Variants in PCDHA4 observed in about 807,000 individuals in gnomAD.
PCDHA4 encodes protocadherin alpha 4.
In PCDHA4, 49 loss-of-function variants were observed where a neutral mutation model predicts 61.4. That is an observed-to-expected ratio of 0.80 (90% CI 0.63 to 1.01). The LOEUF (loss-of-function observed/expected upper bound fraction) is 1.01. Ranked by LOEUF, PCDHA4 falls within the 50% of genes least tolerant of loss-of-function variation. The probability of loss-of-function intolerance (pLI) is 0.00; values close to 1 mark genes in which losing one functional copy is unlikely to be tolerated. For synonymous variants in PCDHA4, 590 were observed against 550.3 expected, an observed-to-expected ratio of 1.07 and a Z score of -1.01; for missense variants, 1,254 against 1,235.8, an observed-to-expected ratio of 1.01 and a Z score of -0.22.
intron 1 of PCDHA4, chr5:140,929,147 A>G (rs1247156816): frequency 6.2e-7 from 1 of 1,614,062 alleles, no homozygotes; most frequent in Non-Finnish European, 8.5e-7. Flanking sequence ...AGACTTTCTC[A>G]GACTTATCTC....
intron 3 of PCDHA4, 47 bp from the exon 4 acceptor site, chr5:141,009,580 G>T: frequency 1.3e-6 from 2 of 1,588,168 alleles, no homozygotes; most frequent in South Asian, 2.3e-5. Context: ...GTGGCATCAA[G>T]AGCATGTGTT....
chr5:140,819,898 T>A (rs1766647840), intron 1 of PCDHA4, among the ~76,000 whole-genome samples: 1 of 152,042 alleles, frequency 6.6e-6, no homozygotes, highest in African/African-American at 2.4e-5. Context: ...CTCTGCAGAT[T>A]ACAATGTACA....
At chr5:140,873,755 T>C (rs1273886734) in intron 1 of PCDHA4, among the ~76,000 whole-genome samples, 1 of 152,098 alleles carries the variant, frequency 6.6e-6, no homozygotes, top group African/African-American at 2.4e-5. Flanking sequence ...CCACCTCCCA[T>C]GTTCAAGCAA....
intron 1 of PCDHA4, chr5:140,862,842 G>A (rs1554157108): frequency 1.7e-6 from 1 of 572,982 alleles, no homozygotes. Flanking sequence ...CGGGCATGCC[G>A]CCTCTGAGCA....
At chr5:140,883,528 C>T in intron 1 of PCDHA4, 1 of 1,614,248 alleles carries the variant, frequency 6.2e-7, no homozygotes, top group South Asian at 1.1e-5. Flanking sequence ...GCGTATCAGC[C>T]TATGAACTGG....
chr5:140,898,114 G>A (rs367767804), intron 1 of PCDHA4, among the ~76,000 whole-genome samples: 18 of 151,862 alleles, frequency 1.2e-4, no homozygotes, highest in Non-Finnish European at 2.4e-4. Context: ...AGTAGGTTGC[G>A]AAAATTTTCT....
chr5:140,868,930 G>T, intron 1 of PCDHA4: 8 of 1,085,624 alleles, frequency 7.4e-6, no homozygotes, highest in Non-Finnish European at 1.0e-5. Context: ...TTCATTTAAA[G>T]GTTGGTCTGA....
At chr5:140,945,155 A>G (rs566867183) in intron 1 of PCDHA4, among the ~76,000 whole-genome samples, 22 of 152,284 alleles carry the variant, frequency 1.4e-4, no homozygotes, top group African/African-American at 5.3e-4. Context: ...TCTATACACT[A>G]TTGAACTATC....
At chr5:140,842,571 G>T (rs1554139191) in intron 1 of PCDHA4, 2 of 1,508,202 alleles carry the variant, frequency 1.3e-6, no homozygotes, top group African/African-American at 1.5e-5. Context: ...GACCGCGAGA[G>T]AGTGTCGGCC....
chr5:140,880,614 GGGA>G (rs2058396473), intron 1 of PCDHA4, among the ~76,000 whole-genome samples: 1 of 152,182 alleles, frequency 6.6e-6, no homozygotes, highest in South Asian at 2.1e-4. Context: ...GTAAGCAAGA[GGGA>G]GGAGTTAATT....
rs560404461 is a variant in PCDHA4, at chr5:140,857,491, G to T, written c.2385+47919G>T. The T allele has an allele frequency of 3.1e-5, 49 of 1,598,340 alleles. 2 individuals are homozygous for T. The highest frequency in any genetic ancestry group is 2.8e-4 in the South Asian group (25 of 90,546). On this transcript the variant is annotated intron_variant, in intron 1 of 3. Transcript: ENST00000530339. Reference sequence around the variant, plus strand: ...TCTTCACGGTGTCTGCGTGGGACGCGGACGCGCAGGAGAACGCCCTGGTGT... The same window carrying T: ...TCTTCACGGTGTCTGCGTGGGACGCTGACGCGCAGGAGAACGCCCTGGTGT...
intron 1 of PCDHA4, among the ~76,000 whole-genome samples, chr5:140,951,626 C>T (rs1182328214): frequency 3.3e-5 from 5 of 152,062 alleles, no homozygotes; most frequent in African/African-American, 4.8e-5. Context: ...AAGGGGGAAA[C>T]CTGCCCCATG....
intron 1 of PCDHA4, among the ~76,000 whole-genome samples, chr5:140,880,084 T>C (rs1554171167): frequency 6.6e-6 from 1 of 152,208 alleles, no homozygotes. Context: ...CAACCTATTA[T>C]AGTAGGCTTA....
At chr5:140,993,509 C>T (rs930990761) in intron 3 of PCDHA4, among the ~76,000 whole-genome samples, 23 of 143,490 alleles carry the variant, frequency 1.6e-4, no homozygotes, top group Admixed American at 3.5e-4. Context: ...CACACACACA[C>T]GGGGAGAGAG....
intron 3 of PCDHA4, among the ~76,000 whole-genome samples, chr5:141,002,380 G>T (rs1284047266): frequency 2.0e-5 from 3 of 152,196 alleles, no homozygotes; most frequent in Non-Finnish European, 2.9e-5. Context: ...CTGGCTTAGG[G>T]CTCCTGCTGG....
At chr5:140,875,467 T>G in intron 1 of PCDHA4, 2 of 1,600,082 alleles carry the variant, frequency 1.2e-6, no homozygotes, top group Non-Finnish European at 1.7e-6. Flanking sequence ...GCCCTCATTT[T>G]CTGCAATGGT....
At chr5:140,913,706 C>A (rs1431880255) in intron 1 of PCDHA4, among the ~76,000 whole-genome samples, 4 of 152,054 alleles carry the variant, frequency 2.6e-5, no homozygotes, top group Non-Finnish European at 5.9e-5. Context: ...CCAATGTAGG[C>A]AATTACAGCT....
rs2150164384 is a variant in PCDHA4 at position 140,829,233 on chromosome 5, C to G, written c.2385+19661C>G. On this transcript the variant is annotated intron_variant, in intron 1 of 3. Transcript: ENST00000530339. The stretch of plus-strand genomic sequence containing the variant: ...AGCGTGAACGACCTCGATTCAGGTG[C>G]CAACGGGCAGGTGAACTGCTCGCTG... The G allele has an allele frequency of 3.1e-6, 5 of 1,614,254 alleles. No individual in the cohort carries two copies. In the Admixed American group the frequency reaches 8.3e-5, roughly 27 times the overall value.
In PCDHA4 at chr5:140,807,710, A is replaced by G. The variant is rs782047750; in HGVS notation, c.523A>G (p.Asn175Asp). Reference protein sequence around the residue: ...NALLTYRLSPNEYFSLEKPPD... With the variant: ...NALLTYRLSPDEYFSLEKPPD... Reference sequence around the variant, plus strand: ...CCTGCTCACTTACAGACTGAGCCCAAATGAATACTTTTCTCTGGAAAAACC... The same window carrying G: ...CCTGCTCACTTACAGACTGAGCCCAGATGAATACTTTTCTCTGGAAAAACC... The change falls in exon 1 of 4, where the codon AAT becomes GAT. Residue 175 changes from asparagine (N) to aspartate (D), a missense_variant. Physicochemically the swap from Asn to Asp is conservative, Grantham distance 23. Transcript: ENST00000530339. 1.9e-6 allele frequency: 3 copies of G among 1,614,194 alleles called. No individual in the cohort carries two copies. The highest frequency in any genetic ancestry group is 2.7e-5 in the African/African-American group (2 of 75,040).
Sources: gnomAD v4.1 joint callset for allele counts (sites outside exome capture counted in the v4.1 genomes callset) on GRCh38, gnomAD v4.1.1 for gene constraint, MANE v1.5 for transcripts, NCBI Gene and HGNC (gene_info 2026-07-23, HGNC 2026-07-21) for gene names.